Variants in NSUN2 observed in about 807,000 individuals in gnomAD.
NSUN2 encodes NOP2/Sun RNA methyltransferase 2.
Under a neutral mutation model 92.7 loss-of-function variants are expected in NSUN2, and 63 were observed. The observed-to-expected ratio is 0.68, with a 90% confidence interval of 0.56 to 0.84. The LOEUF is 0.84. NSUN2 is among the 40% of genes least tolerant of loss of function. The pLI is 0.00. For synonymous variants in NSUN2, 356 were observed against 348.3 expected, an observed-to-expected ratio of 1.02 and a Z score of -0.25; for missense variants, 989 against 964.9, an observed-to-expected ratio of 1.02 and a Z score of -0.33.
chr5:6,626,497 C>A (rs1043380692), intron 3 of NSUN2, among the ~76,000 whole-genome samples: 7 of 152,040 alleles, frequency 4.6e-5, no homozygotes, highest in Non-Finnish European at 1.0e-4. Context: ...AGTCAGCCAC[C>A]TGAGTAGCTG....
chr5:6,608,775 C>T (rs1736879131), intron 12 of NSUN2, among the ~76,000 whole-genome samples: 1 of 152,224 alleles, frequency 6.6e-6, no homozygotes, highest in South Asian at 2.1e-4. Flanking sequence ...AGCCTGTGGT[C>T]ACTGACCACT....
intron 13 of NSUN2, 39 bp downstream of exon 13, chr5:6,607,161 C>T (rs1170506042): frequency 6.3e-7 from 1 of 1,597,454 alleles, no homozygotes; most frequent in African/African-American, 1.3e-5. Flanking sequence ...ACTGTGAAGA[C>T]ACCAGCGTAT....
Position 6,609,884 on chromosome 5 carries a change from A to T in NSUN2, c.1265T>A (p.Phe422Tyr), listed in dbSNP as rs1311968464. Residue 422 changes from phenylalanine (F) to tyrosine (Y), a missense_variant, in exon 12 of 19, where the codon TTT (phenylalanine) becomes TAT (tyrosine). Physicochemically the swap from Phe to Tyr is conservative, Grantham distance 22 (BLOSUM62 3). Around this residue, in one of 3 missense-constraint regions of NSUN2, gnomAD observed 626 missense variants for 602.3 expected, o/e 1.04. Coordinates refer to ENST00000264670, the MANE Select transcript of NSUN2 (RefSeq NM_017755.6). The part of the protein sequence containing the change: ...ILPHHQNTGG[F>Y]FVAVLVKKSS... Reference sequence around the variant, plus strand: ...TTTTTTCACCAATACTGCCACAAAAAACCCTCCAGTATTCTGATGATGGGG... The same window carrying T: ...TTTTTTCACCAATACTGCCACAAAATACCCTCCAGTATTCTGATGATGGGG... 1 of 1,613,928 alleles carries T rather than the reference A, an allele frequency of 6.2e-7. No individual in the cohort carries two copies. The highest frequency in any genetic ancestry group is 1.3e-5 in the African/African-American group (1 of 75,028).
rs180685249 is a variant in NSUN2 at position 6,612,409 on chromosome 5, G to A, written c.1022-611C>T. ...AGGAAGTTTCCTAAAATTGCCCATC[G>A]GGACACAGTCAGCCCAGTTTTAAAA... On this transcript the variant is annotated intron_variant, in intron 9 of 18. Transcript: ENST00000264670. Among the ~76,000 whole-genome samples the A allele has an allele frequency of 1.9e-3, 294 of 152,232 alleles. 3 individuals are homozygous for A. Among genetic ancestry groups the A allele is most frequent in the African/African-American group, 6.7e-3 (280 of 41,524 alleles).
chr5:6,620,958 C>T (rs562539206), intron 6 of NSUN2: 2 of 152,174 alleles, frequency 1.3e-5, no homozygotes, highest in Non-Finnish European at 2.9e-5. Context: ...GTGGAGAAAA[C>T]AACTAAAAAC....
Position 6,631,725 on chromosome 5 carries a change from G to C in NSUN2, c.359+148C>G, listed in dbSNP as rs554933002. The C allele has an allele frequency of 2.5e-5, 16 of 632,684 alleles. No individual in the cohort carries two copies. In the South Asian group the frequency reaches 3.0e-4, roughly 12 times the overall value. 39.2% of individuals were successfully genotyped at this position (632,684 alleles called of 1,614,324 possible). ...AAAACTTGCGTAGCAATATAATGTTGATAAAAGCACCAGGTACTAGAACAT... is the reference window on the plus strand; with the variant it reads ...AAAACTTGCGTAGCAATATAATGTTCATAAAAGCACCAGGTACTAGAACAT... On this transcript the variant is annotated intron_variant, in intron 3 of 18. Transcript: ENST00000264670.
intron 3 of NSUN2, among the ~76,000 whole-genome samples, chr5:6,626,346 T>C (rs1737655213): frequency 6.6e-6 from 1 of 151,464 alleles, no homozygotes; most frequent in Non-Finnish European, 1.5e-5. Context: ...TTTTTTTTAA[T>C]TAGGGGAGAA....
In NSUN2 at chr5:6,599,403, T is replaced by A. The variant is rs1736451512; in HGVS notation, c.*523A>T. On this transcript the variant is annotated 3_prime_UTR_variant, in exon 19 of 19. Transcript: ENST00000264670. ...CTGGGAGAGTTTATTTTACCCTTTA[T>A]TCCAAAAGGCACAAAGTCATCTGAG... 1 of 152,836 alleles carries A rather than the reference T, an allele frequency of 6.5e-6. No homozygotes were observed. Among genetic ancestry groups the A allele is most frequent in the African/African-American group, 2.4e-5 (1 of 41,426 alleles). 9.5% of individuals were successfully genotyped at this position (152,836 alleles called of 1,614,324 possible). A position where few individuals can be genotyped will look rare whatever the true frequency, so the allele number is the denominator to read the frequency against.
chr5:6,609,461 A>T (rs988375023), intron 12 of NSUN2, among the ~76,000 whole-genome samples: 1 of 152,234 alleles, frequency 6.6e-6, no homozygotes, highest in Non-Finnish European at 1.5e-5. Flanking sequence ...GAGCTCTGCT[A>T]TCTGTAATTG....
At chr5:6,619,848 C>CTGTTT (rs61303923) in intron 7 of NSUN2, among the ~76,000 whole-genome samples, 2 of 152,156 alleles carry the variant, frequency 1.3e-5, no homozygotes, top group African/African-American at 4.8e-5. Context: ...CGTATTTTCT[C>CTGTTT]TGTTTTGTTT....
In NSUN2 at chr5:6,632,959, A is replaced by ACCCCGCGACCGCCGC. The variant is rs901613922; in HGVS notation, c.6_20dup (p.Ser5_Arg9dup). 3 of 1,489,248 alleles carry ACCCCGCGACCGCCGC rather than the reference A, an allele frequency of 2.0e-6. No homozygotes were observed. The African/African-American group carries it at 4.4e-5, about 22-fold the overall frequency. The allele number at this position is 1,489,248 out of a possible 1,614,324, so 92.3% of individuals were successfully genotyped here. ...GCCGCTGCTGTTGCTGGAGCCGCCG[A>ACCCCGCGACCGCCGC]CCCCGCGACCGCCGCCCCATAGCCC... On this transcript the variant is annotated inframe_insertion, in exon 1 of 19. Transcript: ENST00000264670.
Position 6,606,928 on chromosome 5 carries a change from G to A in NSUN2, c.1509-16C>T. On this transcript the variant is annotated splice_polypyrimidine_tract_variant and intron_variant, in intron 13 of 18. Coordinates refer to ENST00000264670, the MANE Select transcript of NSUN2 (RefSeq NM_017755.6). ...TGGAGGAGGACTAAAAAGGGAATCA[G>A]GATGAGACAAATCAATCTGTAATGT... is the stretch of plus-strand genomic sequence containing the variant. 2.1e-6 allele frequency: 3 copies of A among 1,428,126 alleles called. No individual in the cohort carries two copies. Among genetic ancestry groups the A allele is most frequent in the Non-Finnish European group, 3.0e-6 (3 of 1,016,146 alleles). 88.5% of individuals were successfully genotyped at this position (1,428,126 alleles called of 1,614,324 possible).
At chr5:6,610,037 T>A in intron 11 of NSUN2, 115 bp from the exon 12 acceptor site, 3 of 660,320 alleles carry the variant, frequency 4.5e-6, no homozygotes, top group Non-Finnish European at 4.9e-6. Context: ...CGACCCTCAC[T>A]CATAGAATGG....
At chr5:6,604,075 G>T in intron 17 of NSUN2, 63 bp downstream of exon 17, 1 of 1,464,408 alleles carries the variant, frequency 6.8e-7, no homozygotes, top group Non-Finnish European at 9.3e-7. Flanking sequence ...CACACCACCT[G>T]CATTTTTGCT....
rs979751764 is a variant in NSUN2 at position 6,605,155 on chromosome 5, C to T, written c.1737+118G>A. 2.2e-6 allele frequency: 3 copies of T among 1,373,668 alleles called. No homozygotes were observed. In the African/African-American group the frequency reaches 4.3e-5, roughly 20 times the overall value. 85.1% of individuals were successfully genotyped at this position (1,373,668 alleles called of 1,614,324 possible). A position where few individuals can be genotyped will look rare whatever the true frequency, so the allele number is the denominator to read the frequency against. ...AAAGGGCAGGCTCAGGGACCCACAG[C>T]CAGCGCTACAGGTGGGGAGGGCAGA... On this transcript the variant is annotated intron_variant, in intron 15 of 18. Transcript: ENST00000264670.
intron 8 of NSUN2, among the ~76,000 whole-genome samples, chr5:6,617,728 A>G (rs1737268342): frequency 6.6e-6 from 1 of 152,260 alleles, no homozygotes; most frequent in Non-Finnish European, 1.5e-5. Flanking sequence ...ATTTTTATAG[A>G]AGGCATTTTT....
chr5:6,626,524 T>C (rs899865498), intron 3 of NSUN2, among the ~76,000 whole-genome samples: 2 of 152,070 alleles, frequency 1.3e-5, no homozygotes, highest in Non-Finnish European at 2.9e-5. Context: ...CAGACGTGTA[T>C]TTTCAGTAGA....
chr5:6,615,344 A>C (rs1452552277), intron 9 of NSUN2, among the ~76,000 whole-genome samples: 1 of 152,190 alleles, frequency 6.6e-6, no homozygotes, highest in Admixed American at 6.5e-5. Context: ...GGTTTCCTAA[A>C]TTCCTAGCTA....
chr5:6,605,164 C>A, intron 15 of NSUN2, 109 bp downstream of exon 15: 1 of 1,446,902 alleles, frequency 6.9e-7, no homozygotes, highest in East Asian at 2.3e-5. Flanking sequence ...GCCAGCGCTA[C>A]AGGTGGGGAG....
Sources: gnomAD v4.1 joint callset for allele counts (sites outside exome capture counted in the v4.1 genomes callset) on GRCh38, gnomAD v4.1.1 for gene constraint, gnomAD v4.1.1 regional missense constraint, MANE v1.5 for transcripts, NCBI Gene and HGNC (gene_info 2026-07-23, HGNC 2026-07-21) for gene names.